Variants in SOX5 observed in about 807,000 individuals in gnomAD.
SOX5 encodes SRY-box transcription factor 5, also known as transcription factor SOX-5.
SOX5 carries 9 observed loss-of-function variants against 92.0 expected under a neutral mutation model. The ratio of observed to expected loss-of-function variants is 0.10; its 90% confidence interval spans 0.06 to 0.17. The LOEUF is 0.17. Among genes scored for constraint, SOX5 ranks in the 10% least tolerant of loss-of-function variants. The pLI is 1.00. For synonymous variants in SOX5, 344 were observed against 336.3 expected (o/e 1.02, Z -0.25); for missense variants, 642 against 944.5 (o/e 0.68, Z 4.20).
At chr12:24,061,757 A>C (rs909287075) in intron 4 of SOX5, among the ~76,000 whole-genome samples, 19 of 126,764 alleles carry the variant, frequency 1.5e-4, no homozygotes, top group Non-Finnish European at 3.2e-4. Context: ...AAAAAAAAAA[A>C]AAAAAACCTT....
intron 2 of SOX5, chr12:24,357,578 C>T (rs979186772): frequency 6.6e-6 from 1 of 152,426 alleles, no homozygotes; most frequent in African/African-American, 2.4e-5. Flanking sequence ...CTCGGTGGCT[C>T]ACACCTGTAA....
chr12:23,546,482 C>T, intron 11 of SOX5, 58 bp from the exon 12 acceptor site: 1 of 987,188 alleles, frequency 1.0e-6, no homozygotes, highest in Non-Finnish European at 1.6e-6. Flanking sequence ...TGAAGACTTT[C>T]TTTTTTTGGG....
intron 3 of SOX5, among the ~76,000 whole-genome samples, chr12:23,776,481 AC>A (rs1311968243): frequency 6.6e-6 from 1 of 152,192 alleles, no homozygotes; most frequent in African/African-American, 2.4e-5. Context: ...GTTGAAAGGG[AC>A]CTTAGAAGTC....
chr12:24,198,177 GCAGGGAACA>G (rs1395319513), intron 4 of SOX5, among the ~76,000 whole-genome samples: 1 of 152,004 alleles, frequency 6.6e-6, no homozygotes, highest in East Asian at 1.9e-4. Flanking sequence ...CATGTGGTAT[GCAGGGAACA>G]CAGACCTATT....
At chr12:23,863,084 C>A (rs2096773526) in intron 2 of SOX5, among the ~76,000 whole-genome samples, 2 of 152,166 alleles carry the variant, frequency 1.3e-5, no homozygotes, top group South Asian at 4.1e-4. Context: ...TCAACACTTT[C>A]ACTTGGGGGT....
intron 3 of SOX5, among the ~76,000 whole-genome samples, chr12:23,792,636 A>AAAAAAAAAAAAAAAAAAAC: frequency 9.1e-6 from 1 of 110,384 alleles, no homozygotes; most frequent in African/African-American, 3.0e-5. Flanking sequence ...AAAAAAAAAA[A>AAAAAAAAAAAAAAAAAAAC]AAAAAAAAAA....
At position 24,067,119 on chromosome 12, in the gene SOX5, C is replaced by T. The variant is rs527882650; in HGVS notation, c.-2+146224G>A. Among the ~76,000 whole-genome samples, 13 of 152,278 alleles carry T rather than the reference C, an allele frequency of 8.5e-5. No individual in the cohort carries two copies. In the South Asian group the frequency reaches 1.7e-3, roughly 19 times the overall value. On this transcript the variant is annotated intron_variant, in intron 4 of 4. Transcript: ENST00000446891. ...TGATTGACATGAAAGATGACTCACT[C>T]GCAGAGAAACTTGTATTGCTGCCAT...
chr12:24,146,182 ATATT>A (rs1375362339), intron 4 of SOX5, among the ~76,000 whole-genome samples: 4 of 152,236 alleles, frequency 2.6e-5, no homozygotes, highest in African/African-American at 9.6e-5. Flanking sequence ...GTAGCAGCAT[ATATT>A]TTTTTTCTCA....
intron 4 of SOX5, among the ~76,000 whole-genome samples, chr12:24,066,978 C>T (rs1181342132): frequency 6.6e-6 from 1 of 152,192 alleles, no homozygotes; most frequent in African/African-American, 2.4e-5. Flanking sequence ...GTCATAACAT[C>T]ACTCTGGTTT....
At chr12:23,859,079 CAT>C (rs35920725) in intron 2 of SOX5, among the ~76,000 whole-genome samples, 3,394 of 152,234 alleles carry the variant, frequency 0.022, 46 homozygotes, top group Non-Finnish European at 0.032. Context: ...AATTGTAAAA[CAT>C]GTGTGTTTGA....
At chr12:24,333,333 T>G (rs938367123) in intron 2 of SOX5, among the ~76,000 whole-genome samples, 2 of 151,976 alleles carry the variant, frequency 1.3e-5, no homozygotes, top group African/African-American at 4.8e-5. Context: ...GCTCAATATG[T>G]AAAACAGATT....
At chr12:23,733,201 C>T (rs529424921) in intron 6 of SOX5, among the ~76,000 whole-genome samples, 1 of 152,126 alleles carries the variant, frequency 6.6e-6, no homozygotes, top group South Asian at 2.1e-4. Flanking sequence ...AAATCTAAAA[C>T]TATTGGCACA....
intron 1 of SOX5, among the ~76,000 whole-genome samples, chr12:24,465,270 T>C (rs1566232975): frequency 6.6e-6 from 1 of 152,244 alleles, no homozygotes; most frequent in Admixed American, 6.5e-5. Context: ...CTATCATTCC[T>C]AATCGTTACA....
intron 9 of SOX5, among the ~76,000 whole-genome samples, chr12:23,593,548 A>T (rs11609536): frequency 0.089 from 13,571 of 152,226 alleles, 800 homozygotes; most frequent in Non-Finnish European, 0.13. Context: ...AAACAGGTAA[A>T]ACTGAAAAGA....
At chr12:24,254,817 G>T (rs1197198911) in intron 3 of SOX5, among the ~76,000 whole-genome samples, 1 of 151,470 alleles carries the variant, frequency 6.6e-6, no homozygotes, top group Admixed American at 6.6e-5. Flanking sequence ...TCTCATTTGG[G>T]CTTTAATTTT....
chr12:24,394,641 A>T (rs1447724297), intron 1 of SOX5, among the ~76,000 whole-genome samples: 1 of 152,216 alleles, frequency 6.6e-6, no homozygotes, highest in Non-Finnish European at 1.5e-5. Flanking sequence ...ACAAATATCC[A>T]TATCTCTATC....
At chr12:24,351,723 G>C (rs1954110277) in intron 2 of SOX5, among the ~76,000 whole-genome samples, 2 of 152,134 alleles carry the variant, frequency 1.3e-5, no homozygotes, top group Admixed American at 6.5e-5. Context: ...GAATACAATG[G>C]AGAGTCACAG....
chr12:24,230,746 G>T (rs1555186088), intron 3 of SOX5: 1 of 152,152 alleles, frequency 6.6e-6, no homozygotes, highest in Non-Finnish European at 1.5e-5. Context: ...TACCCTCTTA[G>T]ATCACTGTAA....
chr12:24,350,024 T>G (rs1295868959), intron 2 of SOX5, among the ~76,000 whole-genome samples: 1 of 152,234 alleles, frequency 6.6e-6, no homozygotes, highest in South Asian at 2.1e-4. Context: ...TGGGGCAGTT[T>G]TGGAGACAAA....
Sources: allele counts gnomAD v4.1 joint callset (sites outside exome capture counted in the v4.1 genomes callset), GRCh38; gene constraint gnomAD v4.1.1; transcripts MANE v1.5; gene names NCBI Gene and HGNC (gene_info 2026-07-23, HGNC 2026-07-21).